The following CDH18 variants were observed in gnomAD, a reference collection of about 807,000 sequenced individuals.
The protein encoded by CDH18 is cadherin 18, also known as cadherin-18.
In CDH18, 31 loss-of-function variants were observed where a neutral mutation model predicts 67.9. The observed-to-expected ratio is 0.46, with a 90% confidence interval of 0.34 to 0.62. The LOEUF is 0.62. CDH18 is among the 20% of genes least tolerant of loss of function. The pLI, the probability that CDH18 is intolerant of heterozygous loss-of-function variation, is 0.01. For synonymous variants in CDH18, 362 were observed against 347.2 expected, an observed-to-expected ratio of 1.04 and a Z score of -0.48; for missense variants, 890 against 975.5, an observed-to-expected ratio of 0.91 and a Z score of 1.17.
intron 2 of CDH18, among the ~76,000 whole-genome samples, chr5:20,114,503 G>C (rs990066719): frequency 1.3e-5 from 2 of 152,062 alleles, no homozygotes; most frequent in African/African-American, 2.4e-5. Flanking sequence ...GAGAAGTCTA[G>C]AAAGAAGAAT....
chr5:19,829,227 G>A (rs80156297), intron 3 of CDH18, among the ~76,000 whole-genome samples: 136 of 152,190 alleles, frequency 8.9e-4, no homozygotes, highest in East Asian at 2.7e-3. Context: ...TCAGGCAAGA[G>A]AAAGAAATAA....
chr5:19,703,058 T>C (rs1048124478), intron 5 of CDH18, among the ~76,000 whole-genome samples: 3 of 35,474 alleles, frequency 8.5e-5, no homozygotes, highest in African/African-American at 1.2e-4. Context: ...TGCGTAAAAC[T>C]CTGTTCATGG....
intron 1 of CDH18, among the ~76,000 whole-genome samples, chr5:20,365,078 A>G (rs898193578): frequency 2.0e-5 from 3 of 152,190 alleles, no homozygotes; most frequent in East Asian, 1.9e-4. Context: ...ATCACAAAAT[A>G]TCACAGACCG....
At chr5:19,506,943 A>G (rs1323431689) in intron 10 of CDH18, among the ~76,000 whole-genome samples, 1 of 152,238 alleles carries the variant, frequency 6.6e-6, no homozygotes, top group Non-Finnish European at 1.5e-5. Context: ...ACAGTGAAAG[A>G]AACTACCATC....
chr5:20,499,905 C>A (rs1326600077), intron 1 of CDH18, among the ~76,000 whole-genome samples: 1 of 151,978 alleles, frequency 6.6e-6, no homozygotes, highest in African/African-American at 2.4e-5. Context: ...TGTGCTTATC[C>A]CAGTAATACT....
At chr5:20,242,926 TCA>T (rs1237126095) in intron 2 of CDH18, among the ~76,000 whole-genome samples, 1 of 151,988 alleles carries the variant, frequency 6.6e-6, no homozygotes, top group Non-Finnish European at 1.5e-5. Flanking sequence ...AAAACAATCA[TCA>T]CTGTATTACT....
chr5:19,646,434 G>A lies in CDH18; in HGVS notation c.644-33833C>T, dbSNP rs1005550743. On this transcript the variant is annotated intron_variant, in intron 5 of 12. Coordinates refer to ENST00000382275, the MANE Select transcript of CDH18 (RefSeq NM_004934.5). ...GGCTCACTGCAACCTCCACCTCCTG[G>A]GTTCAAGAGATTCTCCTGCCTCAGC... is the stretch of plus-strand genomic sequence containing the variant. 3.3e-5 allele frequency among the ~76,000 whole-genome samples: 5 copies of A among 152,186 alleles called. No individual in the cohort carries two copies. In the East Asian group the frequency reaches 9.7e-4, roughly 29 times the overall value.
intron 2 of CDH18, among the ~76,000 whole-genome samples, chr5:19,979,774 G>C (rs188089169): frequency 5.8e-4 from 88 of 152,208 alleles, no homozygotes; most frequent in African/African-American, 2.1e-3. Context: ...ATGGCATCAA[G>C]AATGTTCCAT....
At chr5:19,519,088 C>T (rs544967884) in intron 10 of CDH18, among the ~76,000 whole-genome samples, 4 of 152,264 alleles carry the variant, frequency 2.6e-5, no homozygotes, top group African/African-American at 9.6e-5. Context: ...AAGCCTGTTG[C>T]TCACACTGCT....
intron 1 of CDH18, among the ~76,000 whole-genome samples, chr5:20,296,709 T>C (rs1387021650): frequency 6.6e-6 from 1 of 151,826 alleles, no homozygotes; most frequent in Non-Finnish European, 1.5e-5. Flanking sequence ...TTTTACTTAA[T>C]TATATTGTAA....
intron 7 of CDH18, among the ~76,000 whole-genome samples, chr5:19,574,933 G>C (rs924037912): frequency 2.0e-5 from 3 of 152,090 alleles, no homozygotes; most frequent in Non-Finnish European, 4.4e-5. Context: ...CAGCTACTCG[G>C]GAGGCTGAGG....
chr5:19,668,779 C>T (rs192647642), intron 5 of CDH18, among the ~76,000 whole-genome samples: 3 of 152,014 alleles, frequency 2.0e-5, no homozygotes, highest in Admixed American at 2.0e-4. Context: ...GATGACATCT[C>T]AGCCATGAAA....
chr5:20,406,615 A>G (rs1746290125), intron 1 of CDH18, among the ~76,000 whole-genome samples: 1 of 152,072 alleles, frequency 6.6e-6, no homozygotes, highest in Middle Eastern at 3.2e-3. Flanking sequence ...AACAATAATA[A>G]ATGGCTATTA....
intron 2 of CDH18, among the ~76,000 whole-genome samples, chr5:19,976,765 C>T (rs541138697): frequency 2.0e-5 from 3 of 150,298 alleles, no homozygotes; most frequent in African/African-American, 7.3e-5. Context: ...AAGGATAAGA[C>T]TAACTTATGG....
chr5:20,164,645 AC>A (rs1011138762), intron 2 of CDH18, among the ~76,000 whole-genome samples: 45 of 152,306 alleles, frequency 3.0e-4, no homozygotes, highest in African/African-American at 1.1e-3. Context: ...ATTATTCCAG[AC>A]AAAAACAAAC....
intron 1 of CDH18, among the ~76,000 whole-genome samples, chr5:20,457,242 G>A (rs1413318393): frequency 6.6e-6 from 1 of 152,096 alleles, no homozygotes; most frequent in Non-Finnish European, 1.5e-5. Flanking sequence ...GTAGAGGCAA[G>A]ACAATGTACC....
chr5:20,413,888 A>G (rs977304934), intron 1 of CDH18, among the ~76,000 whole-genome samples: 2 of 152,110 alleles, frequency 1.3e-5, no homozygotes, highest in Non-Finnish European at 2.9e-5. Context: ...GTCCTTGCCC[A>G]TGCCTGTAAC....
At chr5:20,422,663 C>A (rs1747955571) in intron 1 of CDH18, among the ~76,000 whole-genome samples, 1 of 151,018 alleles carries the variant, frequency 6.6e-6, no homozygotes, top group Admixed American at 6.6e-5. Flanking sequence ...AAAATCAAAA[C>A]TTATGCTAAA....
chr5:20,093,998 C>T (rs898279577), intron 2 of CDH18, among the ~76,000 whole-genome samples: 19 of 152,012 alleles, frequency 1.2e-4, no homozygotes, highest in African/African-American at 3.9e-4. Context: ...AAGAAACCAC[C>T]GAAAGGCAGA....
Sources: gnomAD v4.1 joint callset for allele counts (sites outside exome capture counted in the v4.1 genomes callset) on GRCh38, gnomAD v4.1.1 for gene constraint, MANE v1.5 for transcripts, NCBI Gene and HGNC (gene_info 2026-07-23, HGNC 2026-07-21) for gene names.